The following WWOX variants were observed in gnomAD, a reference collection of about 807,000 sequenced individuals.
WWOX encodes the protein WW domain-containing oxidoreductase.
Under a neutral mutation model 46.2 loss-of-function variants are expected in WWOX, and 69 were observed. The observed-to-expected ratio is 1.49, with a 90% confidence interval of 1.23 to 1.82. The LOEUF is 1.82. Among genes scored for constraint, WWOX ranks in the 40% most tolerant of loss-of-function variants. WWOX has a pLI of 0.00. For synonymous variants in WWOX, 359 were observed against 202.6 expected, an observed-to-expected ratio of 1.77 and a Z score of -6.56; for missense variants, 919 against 542.6, an observed-to-expected ratio of 1.69 and a Z score of -6.89.
chr16:78,966,886 G>T (rs1256708274), intron 8 of WWOX, among the ~76,000 whole-genome samples: 1 of 152,168 alleles, frequency 6.6e-6, no homozygotes, highest in Admixed American at 6.5e-5. Flanking sequence ...TCATAGAGTT[G>T]CAGTGGAGAT....
intron 8 of WWOX, among the ~76,000 whole-genome samples, chr16:79,180,441 A>G (rs1027238742): frequency 3.9e-5 from 6 of 152,154 alleles, no homozygotes; most frequent in African/African-American, 1.2e-4. Flanking sequence ...TATAAAATGG[A>G]CATAAAGCCT....
intron 8 of WWOX, among the ~76,000 whole-genome samples, chr16:79,014,908 C>T (rs1183435154): frequency 6.6e-6 from 1 of 152,148 alleles, no homozygotes; most frequent in Admixed American, 6.5e-5. Context: ...TTTACTGATA[C>T]CTGTGGTGGC....
intron 8 of WWOX, among the ~76,000 whole-genome samples, chr16:78,573,927 G>T (rs576801818): frequency 6.6e-6 from 1 of 152,282 alleles, no homozygotes; most frequent in Admixed American, 6.5e-5. Context: ...GACTTAGCTG[G>T]GTCCTCTGCC....
At chr16:78,686,770 T>C (rs943542271) in intron 8 of WWOX, among the ~76,000 whole-genome samples, 1 of 152,190 alleles carries the variant, frequency 6.6e-6, no homozygotes, top group Non-Finnish European at 1.5e-5. Flanking sequence ...ATGCCTTCTG[T>C]AGCTATCTAA....
At chr16:78,812,730 C>T (rs2051223109) in intron 8 of WWOX, among the ~76,000 whole-genome samples, 1 of 147,744 alleles carries the variant, frequency 6.8e-6, no homozygotes, top group African/African-American at 2.6e-5. Context: ...CATCCTCCCA[C>T]CCCCTAAAAA....
chr16:78,256,546 C>T (rs1242647391), intron 5 of WWOX, among the ~76,000 whole-genome samples: 1 of 151,604 alleles, frequency 6.6e-6, no homozygotes, highest in Non-Finnish European at 1.5e-5. Context: ...ATGTAATGAC[C>T]CTCTCCTGGC....
chr16:78,863,634 C>G (rs538535204), intron 8 of WWOX, among the ~76,000 whole-genome samples: 8 of 152,304 alleles, frequency 5.3e-5, no homozygotes, highest in African/African-American at 1.4e-4. Context: ...CACGAAGTCT[C>G]TTATTTACTC....
intron 8 of WWOX, among the ~76,000 whole-genome samples, chr16:78,680,479 A>G (rs757951944): frequency 1.2e-4 from 18 of 152,076 alleles, no homozygotes; most frequent in Non-Finnish European, 2.2e-4. Context: ...AGGCATGATC[A>G]TGCCACTTCA....
At chr16:78,808,666 C>A (rs1044912204) in intron 8 of WWOX, among the ~76,000 whole-genome samples, 2 of 152,166 alleles carry the variant, frequency 1.3e-5, no homozygotes, top group Non-Finnish European at 2.9e-5. Context: ...TAATTTCCTG[C>A]ATCAGCTAAG....
intron 8 of WWOX, among the ~76,000 whole-genome samples, chr16:78,529,614 A>C (rs921009402): frequency 1.3e-5 from 2 of 151,984 alleles, no homozygotes; most frequent in Non-Finnish European, 2.9e-5. Context: ...TTACAGGTGC[A>C]TGCCATCACA....
intron 8 of WWOX, among the ~76,000 whole-genome samples, chr16:78,606,011 A>T (rs190191923): frequency 4.6e-5 from 7 of 152,162 alleles, no homozygotes; most frequent in African/African-American, 1.4e-4. Context: ...TCGAATGCCT[A>T]TTGTCAAAAT....
At chr16:78,750,463 A>G (rs1375416296) in intron 8 of WWOX, among the ~76,000 whole-genome samples, 1 of 152,196 alleles carries the variant, frequency 6.6e-6, no homozygotes, top group Non-Finnish European at 1.5e-5. Flanking sequence ...ATGTGTAAGT[A>G]AACTGGGATT....
intron 4 of WWOX, among the ~76,000 whole-genome samples, chr16:78,134,738 T>C (rs1348353242): frequency 6.6e-6 from 1 of 152,226 alleles, no homozygotes; most frequent in Non-Finnish European, 1.5e-5. Context: ...TTGTTTGCAA[T>C]TAATGGCAGG....
chr16:79,030,104 G>A (rs1434897446), intron 8 of WWOX, among the ~76,000 whole-genome samples: 1 of 152,120 alleles, frequency 6.6e-6, no homozygotes, highest in East Asian at 1.9e-4. Flanking sequence ...TTATAAAACT[G>A]TTACAAATGG....
intron 6 of WWOX, among the ~76,000 whole-genome samples, chr16:78,419,271 C>G (rs979816543): frequency 6.6e-6 from 1 of 151,948 alleles, no homozygotes; most frequent in Non-Finnish European, 1.5e-5. Context: ...GACTTTTTTA[C>G]AGAAATTGAA....
chr16:78,435,246 A>C (rs1006537148), intron 8 of WWOX, among the ~76,000 whole-genome samples: 20 of 152,110 alleles, frequency 1.3e-4, no homozygotes, highest in African/African-American at 1.7e-4. Flanking sequence ...CTCAGTGAGC[A>C]CCGTACCTGT....
chr16:78,766,155 C>T (rs1029628145), intron 8 of WWOX, among the ~76,000 whole-genome samples: 3 of 152,172 alleles, frequency 2.0e-5, no homozygotes, highest in Non-Finnish European at 1.5e-5. Context: ...GGGTCAGGTT[C>T]CATTTGCCAG....
intron 8 of WWOX, among the ~76,000 whole-genome samples, chr16:78,697,999 T>C (rs571007847): frequency 5.3e-5 from 8 of 152,278 alleles, no homozygotes; most frequent in Admixed American, 4.6e-4. Flanking sequence ...GCTATACTGT[T>C]TTAGTAGGTC....
intron 8 of WWOX, among the ~76,000 whole-genome samples, chr16:78,597,837 T>C (rs1302824132): frequency 6.6e-6 from 1 of 151,774 alleles, no homozygotes; most frequent in African/African-American, 2.4e-5. Flanking sequence ...TTTTTTCTTT[T>C]TTAAATTCAG....
Sources: gnomAD v4.1 joint callset for allele counts (sites outside exome capture counted in the v4.1 genomes callset) on GRCh38, gnomAD v4.1.1 for gene constraint, MANE v1.5 for transcripts, NCBI Gene and HGNC (gene_info 2026-07-23, HGNC 2026-07-21) for gene names.